Variants in NKAIN2 observed in about 807,000 individuals in gnomAD.
NKAIN2 encodes the protein sodium/potassium transporting ATPase interacting 2.
Under a neutral mutation model 32.6 loss-of-function variants are expected in NKAIN2, and 14 were observed. The ratio of observed to expected loss-of-function variants is 0.43; its 90% CI spans 0.28 to 0.67. The LOEUF is 0.67. Ranked by LOEUF, NKAIN2 falls within the 30% of genes least tolerant of loss-of-function variation. The pLI, the probability that NKAIN2 is intolerant of heterozygous loss-of-function variation, is 0.17. For synonymous variants in NKAIN2, 80 were observed against 87.2 expected (o/e 0.92, Z 0.46); for missense variants, 198 against 258.3 (o/e 0.77, Z 1.60).
intron 3 of NKAIN2, among the ~76,000 whole-genome samples, chr6:124,435,834 C>G (rs898718912): frequency 2.0e-5 from 3 of 152,112 alleles, no homozygotes; most frequent in Non-Finnish European, 4.4e-5. Context: ...CAAAGCCTAA[C>G]TAACATTCTA....
intron 1 of NKAIN2, among the ~76,000 whole-genome samples, chr6:124,063,725 T>C (rs1190936081): frequency 6.6e-6 from 1 of 152,124 alleles, no homozygotes; most frequent in Admixed American, 6.6e-5. Flanking sequence ...TTTTTCTCAT[T>C]ATAAAGGAAA....
At chr6:124,324,414 T>C (rs757684926) in intron 2 of NKAIN2, among the ~76,000 whole-genome samples, 4 of 152,188 alleles carry the variant, frequency 2.6e-5, no homozygotes, top group Non-Finnish European at 4.4e-5. Context: ...ATTGCTAGTA[T>C]ATAGGAATAA....
At chr6:124,243,443 C>T (rs1318706509) in intron 1 of NKAIN2, among the ~76,000 whole-genome samples, 1 of 151,236 alleles carries the variant, frequency 6.6e-6, no homozygotes, top group African/African-American at 2.4e-5. Context: ...TGCAGTGAGC[C>T]GAGATCATGC....
chr6:124,279,669 G>T (rs1001463815), intron 1 of NKAIN2, among the ~76,000 whole-genome samples: 18 of 151,778 alleles, frequency 1.2e-4, no homozygotes, highest in Non-Finnish European at 2.4e-4. Context: ...ATTTTATTTT[G>T]TTTAAATTTT....
intron 1 of NKAIN2, among the ~76,000 whole-genome samples, chr6:124,189,700 T>C (rs188662352): frequency 5.3e-4 from 81 of 152,092 alleles, no homozygotes; most frequent in African/African-American, 2.0e-3. Context: ...AAATAAAAAA[T>C]AAAAAGCAAA....
intron 3 of NKAIN2, among the ~76,000 whole-genome samples, chr6:124,627,309 G>A (rs1783391736): frequency 6.6e-6 from 1 of 152,134 alleles, no homozygotes; most frequent in South Asian, 2.1e-4. Context: ...AATCATAAGT[G>A]TGTTTAACTA....
At chr6:124,087,530 CA>C (rs1379854635) in intron 1 of NKAIN2, among the ~76,000 whole-genome samples, 2 of 151,820 alleles carry the variant, frequency 1.3e-5, no homozygotes. Flanking sequence ...AAAGAATTGA[CA>C]AAAAACTTCC....
intron 1 of NKAIN2, among the ~76,000 whole-genome samples, chr6:123,854,533 T>C (rs759926128): frequency 6.6e-6 from 1 of 152,202 alleles, no homozygotes; most frequent in African/African-American, 2.4e-5. Flanking sequence ...AGTTAAATAA[T>C]ACATTAATGC....
intron 1 of NKAIN2, among the ~76,000 whole-genome samples, chr6:123,931,968 C>G (rs947935197): frequency 3.3e-5 from 5 of 152,140 alleles, no homozygotes; most frequent in Admixed American, 3.3e-4. Flanking sequence ...CAAGGTCACT[C>G]AAGAATATAT....
At chr6:124,803,882 G>C (rs75379887) in intron 5 of NKAIN2, among the ~76,000 whole-genome samples, 4 of 152,258 alleles carry the variant, frequency 2.6e-5, no homozygotes, top group East Asian at 3.9e-4. Context: ...TTTTTGAAAA[G>C]AGAGGAGATC....
chr6:124,439,968 G>T (rs1775622520), intron 3 of NKAIN2, among the ~76,000 whole-genome samples: 1 of 152,054 alleles, frequency 6.6e-6, no homozygotes, highest in Admixed American at 6.6e-5. Flanking sequence ...ACACCTGAGG[G>T]TGATCCTAAA....
intron 1 of NKAIN2, among the ~76,000 whole-genome samples, chr6:123,835,833 C>T (rs1032688413): frequency 6.6e-6 from 1 of 152,116 alleles, no homozygotes; most frequent in South Asian, 2.1e-4. Context: ...TTTTCTTCTC[C>T]GGCTCCCCCT....
intron 1 of NKAIN2, among the ~76,000 whole-genome samples, chr6:123,855,458 T>G (rs2114966718): frequency 6.7e-6 from 1 of 149,316 alleles, no homozygotes; most frequent in Admixed American, 6.6e-5. Context: ...TTAAGAAGAC[T>G]TTGATTATTG....
intron 3 of NKAIN2, among the ~76,000 whole-genome samples, chr6:124,468,172 TAA>T (rs1358214414): frequency 6.6e-6 from 1 of 152,144 alleles, no homozygotes; most frequent in African/African-American, 2.4e-5. Flanking sequence ...CCAATATTGA[TAA>T]AGTGAGCAAC....
chr6:124,029,619 T>A (rs140593870), intron 1 of NKAIN2, among the ~76,000 whole-genome samples: 1 of 152,078 alleles, frequency 6.6e-6, no homozygotes, highest in Admixed American at 6.6e-5. Flanking sequence ...TTTAGAGAAG[T>A]GAGGTTTAGT....
intron 3 of NKAIN2, among the ~76,000 whole-genome samples, chr6:124,453,322 A>ACAC (rs1776183191): frequency 1.6e-5 from 1 of 63,876 alleles, no homozygotes; most frequent in African/African-American, 5.1e-5. Context: ...CATGCATATA[A>ACAC]ACACACACAC....
chr6:123,915,601 T>C (rs935961247), intron 1 of NKAIN2, among the ~76,000 whole-genome samples: 1 of 152,160 alleles, frequency 6.6e-6, no homozygotes, highest in African/African-American at 2.4e-5. Flanking sequence ...GCAATTTACA[T>C]CGTATGGAGC....
intron 1 of NKAIN2, among the ~76,000 whole-genome samples, chr6:123,919,749 C>T (rs1366386022): frequency 1.3e-5 from 2 of 152,046 alleles, no homozygotes; most frequent in Non-Finnish European, 2.9e-5. Flanking sequence ...CTCTCACCTA[C>T]CAAATCATCA....
intron 1 of NKAIN2, among the ~76,000 whole-genome samples, chr6:124,245,091 A>G (rs1793325887): frequency 6.6e-6 from 1 of 152,118 alleles, no homozygotes; most frequent in East Asian, 1.9e-4. Flanking sequence ...TTAGTTTGGG[A>G]ACATGTCTCT....
Sources: gnomAD v4.1 joint callset for allele counts (sites outside exome capture counted in the v4.1 genomes callset) on GRCh38, gnomAD v4.1.1 for gene constraint, MANE v1.5 for transcripts, NCBI Gene and HGNC (gene_info 2026-07-23, HGNC 2026-07-21) for gene names.